ZNF451: variants seen among roughly 807,000 people sequenced by gnomAD.
ZNF451 encodes zinc finger protein 451.
In ZNF451, 80 loss-of-function variants were observed where a neutral mutation model predicts 107.1. That is an observed-to-expected ratio of 0.75 (90% CI 0.62 to 0.90). The LOEUF is 0.90. Among genes scored for constraint, ZNF451 ranks in the 40% least tolerant of loss-of-function variants. The pLI is 0.00. For missense variants in ZNF451, 1,107 were observed against 1,236.2 expected, an observed-to-expected ratio of 0.90 and a Z score of 1.57; for synonymous variants, 362 against 406.5, an observed-to-expected ratio of 0.89 and a Z score of 1.32.
chr6:57,097,963 T>TTTATTA (rs545341343), intron 2 of ZNF451, among the ~76,000 whole-genome samples: 20 of 146,768 alleles, frequency 1.4e-4, no homozygotes, highest in African/African-American at 2.2e-4. Flanking sequence ...TATTTATATA[T>TTTATTA]TTATTATTAT....
intron 14 of ZNF451, chr6:57,165,504 A>G (rs2127989543): frequency 6.6e-6 from 1 of 152,308 alleles, no homozygotes; most frequent in Middle Eastern, 3.4e-3. Flanking sequence ...GATAATTTAA[A>G]TTATACTATC....
At chr6:57,158,608 A>G in intron 13 of ZNF451, 2 of 985,460 alleles carry the variant, frequency 2.0e-6, no homozygotes, top group Non-Finnish European at 2.4e-6. Flanking sequence ...AATTCACTAG[A>G]AACCTGCCTC....
intron 9 of ZNF451, among the ~76,000 whole-genome samples, chr6:57,142,865 ACT>A (rs1831840971): frequency 6.6e-6 from 1 of 151,836 alleles, no homozygotes; most frequent in Non-Finnish European, 1.5e-5. Flanking sequence ...TGATATTGCC[ACT>A]CTTTTTCATT....
chr6:57,157,191 GA>G (rs1763467418), intron 13 of ZNF451, among the ~76,000 whole-genome samples: 1 of 152,152 alleles, frequency 6.6e-6, no homozygotes, highest in Admixed American at 6.5e-5. Flanking sequence ...TAAGTTTTCA[GA>G]AATTTACCAT....
At chr6:57,161,496 C>A in intron 14 of ZNF451, among the ~76,000 whole-genome samples, 1 of 151,834 alleles carries the variant, frequency 6.6e-6, no homozygotes, top group Non-Finnish European at 1.5e-5. Flanking sequence ...CCACCCCCGC[C>A]CCCCTCAAAT....
chr6:57,097,247 T>G (rs1455381948), intron 2 of ZNF451, among the ~76,000 whole-genome samples: 1 of 152,218 alleles, frequency 6.6e-6, no homozygotes, highest in Non-Finnish European at 1.5e-5. Flanking sequence ...TGTTTTATCT[T>G]GGTATCTGAA....
chr6:57,136,246 A>T (rs1831420805), intron 7 of ZNF451, among the ~76,000 whole-genome samples: 1 of 152,166 alleles, frequency 6.6e-6, no homozygotes, highest in Admixed American at 6.5e-5. Flanking sequence ...GCAAGAAGAA[A>T]CTATTATAGA....
chr6:57,124,334 T>TA, intron 3 of ZNF451: 1 of 693,436 alleles, frequency 1.4e-6, no homozygotes. Context: ...AAGCATCCAT[T>TA]AGAGTTTAGT....
rs1188084939 is a variant in ZNF451 at position 57,090,253 on chromosome 6, C to T, written c.-1C>T. 1.9e-6 allele frequency: 3 copies of T among 1,611,122 alleles called. No individual in the cohort carries two copies. The African/African-American group carries it at 4.0e-5, about 22-fold the overall frequency. ...GTGCTGTCAGCGCGGCCGTCGGAGACATGGGAGACCCGGGGTCGGAGGTGA... is the reference window on the plus strand; with the variant it reads ...GTGCTGTCAGCGCGGCCGTCGGAGATATGGGAGACCCGGGGTCGGAGGTGA... On this transcript the variant is annotated 5_prime_UTR_variant, in exon 1 of 15. Transcript: ENST00000370706.
intron 13 of ZNF451, among the ~76,000 whole-genome samples, chr6:57,155,426 C>T (rs939740484): frequency 2.0e-5 from 3 of 152,184 alleles, no homozygotes; most frequent in Non-Finnish European, 4.4e-5. Flanking sequence ...GCGGAGGTTG[C>T]AGTGAGCTGA....
rs138984327 is a variant in ZNF451 at position 57,145,700 on chromosome 6, T to C, written c.1005-1390T>C. 7.8e-4 allele frequency among the ~76,000 whole-genome samples: 119 copies of C among 152,290 alleles called. 1 individual carries two copies. Among genetic ancestry groups the C allele is most frequent in the African/African-American group, 2.8e-3 (115 of 41,568 alleles). ...ATATTTTCTTTATTCAATAATCCATTGATGGACACTTAGGTTGATTCCATT... is the reference window on the plus strand; with the variant it reads ...ATATTTTCTTTATTCAATAATCCATCGATGGACACTTAGGTTGATTCCATT... On this transcript the variant is annotated intron_variant, in intron 9 of 14. Coordinates refer to ENST00000370706, the MANE Select transcript of ZNF451 (RefSeq NM_001031623.3).
At chr6:57,145,999 G>C (rs957550912) in intron 9 of ZNF451, among the ~76,000 whole-genome samples, 1 of 152,092 alleles carries the variant, frequency 6.6e-6, no homozygotes, top group African/African-American at 2.4e-5. Flanking sequence ...CATTTTGACT[G>C]GTGTAAGATG....
intron 13 of ZNF451, chr6:57,154,606 A>C (rs1310514975): frequency 6.5e-6 from 1 of 153,300 alleles, no homozygotes; most frequent in East Asian, 1.9e-4. Context: ...ACCCAATTTC[A>C]CTTCCTAGTA....
In ZNF451 at chr6:57,163,152, G is replaced by T. The variant is rs569864252; in HGVS notation, c.3139+2000G>T. 2.5e-4 allele frequency among the ~76,000 whole-genome samples: 38 copies of T among 152,134 alleles called. 1 individual carries two copies. Among genetic ancestry groups the T allele is most frequent in the Non-Finnish European group, 4.9e-4 (33 of 67,980 alleles). ...CTCATCACCCCAAAAGAGCTAACTC[G>T]AATTTTATCTCTTAGGTTGAACCAT... is the stretch of plus-strand genomic sequence containing the variant. On this transcript the variant is annotated intron_variant, in intron 14 of 14. Transcript: ENST00000370706.
At chr6:57,143,757 A>G (rs1223762548) in intron 9 of ZNF451, among the ~76,000 whole-genome samples, 3 of 152,202 alleles carry the variant, frequency 2.0e-5, no homozygotes, top group Non-Finnish European at 2.9e-5. Context: ...ATGTTTGTTT[A>G]TAGCAGCATT....
At position 57,141,994 on chromosome 6, in the gene ZNF451, G is replaced by A; in HGVS notation, c.903G>A (p.Lys301=). ...CAATATCTTTCCCATCTTTTGCAAA[G>A]AAACTTTTGATCTCTCTGTGCAAAG... ...AHPISFPSFA[K]KLLISLCKDV... Residue 301 remains lysine, a synonymous_variant, in exon 9 of 15, where the codon AAG becomes AAA. Transcript: ENST00000370706. The A allele has an allele frequency of 6.2e-7, 1 of 1,613,990 alleles. No homozygotes were observed. The highest frequency in any genetic ancestry group is 8.5e-7 in the Non-Finnish European group (1 of 1,179,918).
chr6:57,108,260 T>A (rs762868447), intron 3 of ZNF451: 60 of 985,342 alleles, frequency 6.1e-5, no homozygotes, highest in Middle Eastern at 5.2e-4. Context: ...TGAGCTATCA[T>A]AGTACTGTTT....
chr6:57,108,439 CT>C (rs1462105058), intron 3 of ZNF451: 1 of 985,238 alleles, frequency 1.0e-6, no homozygotes, highest in Non-Finnish European at 1.2e-6. Flanking sequence ...CTTAATACCT[CT>C]TTTGATTGGT....
intron 3 of ZNF451, chr6:57,103,454 A>G (rs1829700219): frequency 1.0e-6 from 1 of 985,394 alleles, no homozygotes; most frequent in African/African-American, 1.7e-5. Context: ...GTTTTTCACC[A>G]TACTGGAACT....
Sources: gnomAD v4.1 joint callset for allele counts (sites outside exome capture counted in the v4.1 genomes callset) on GRCh38, gnomAD v4.1.1 for gene constraint, MANE v1.5 for transcripts, NCBI Gene and HGNC (gene_info 2026-07-23, HGNC 2026-07-21) for gene names.